NAA25: variants seen among roughly 807,000 people sequenced by gnomAD.
NAA25 encodes N-terminal acetyltransferase B complex subunit NAA25.
NAA25 carries 30 observed loss-of-function variants against 132.5 expected under a neutral mutation model. The observed-to-expected ratio is 0.23, with a 90% CI of 0.17 to 0.31. NAA25 has a LOEUF of 0.31. Ranked by LOEUF, NAA25 falls within the 10% of genes least tolerant of loss-of-function variation. The pLI, the probability that NAA25 is intolerant of heterozygous loss-of-function variation, is 1.00. For synonymous variants in NAA25, 359 were observed against 401.9 expected, an observed-to-expected ratio of 0.89 and a Z score of 1.28; for missense variants, 771 against 1,150.4, an observed-to-expected ratio of 0.67 and a Z score of 4.77.
chr12:112,108,706 A>G lies in NAA25; in HGVS notation c.58+10T>C. On this transcript the variant is annotated intron_variant, in intron 1 of 23. Transcript: ENST00000261745. ...TCGGGCTGGCGAGCGGGCTGGTCCA[A>G]GACACTCACCGTAAATGGGCCGGAG... 2 of 1,519,954 alleles carry G rather than the reference A, an allele frequency of 1.3e-6. No homozygotes were observed. The highest frequency in any genetic ancestry group is 2.7e-5 in the East Asian group (1 of 37,130). The allele number at this position is 1,519,954 out of a possible 1,614,324, so 94.2% of individuals were successfully genotyped here. A position where few individuals can be genotyped will look rare whatever the true frequency, so the allele number is the denominator to read the frequency against.
chr12:112,078,527 G>A, intron 6 of NAA25, 107 bp downstream of exon 6: 5 of 1,025,570 alleles, frequency 4.9e-6, no homozygotes, highest in Non-Finnish European at 5.8e-6. Flanking sequence ...CAAAAGTGAG[G>A]ACCCAGCTAT....
chr12:112,081,288 A>G (rs2078970435), intron 4 of NAA25, among the ~76,000 whole-genome samples, 154 bp from the exon 5 acceptor site: 2 of 152,238 alleles, frequency 1.3e-5, no homozygotes, highest in South Asian at 4.1e-4. Flanking sequence ...CTTTAGCAAC[A>G]GCAGTAATCA....
intron 15 of NAA25, among the ~76,000 whole-genome samples, chr12:112,051,258 G>C (rs1262245536): frequency 6.6e-6 from 1 of 152,128 alleles, no homozygotes; most frequent in Non-Finnish European, 1.5e-5. Context: ...TCGTCACCCA[G>C]GCTGGAGTAT....
chr12:112,064,218 A>C (rs181924330), intron 11 of NAA25: 6 of 152,254 alleles, frequency 3.9e-5, no homozygotes, highest in African/African-American at 1.4e-4. Context: ...ACTGATTTTC[A>C]TGTTTTTGTT....
Position 112,084,820 on chromosome 12 carries a change from G to C in NAA25, c.402+2863C>G, listed in dbSNP as rs936233804. Reference sequence around the variant, plus strand: ...TAAATAAATAAATAAAAATTAGCCAGGTGCAGTGGCTCACGCCTGTAATCC... The same window carrying C: ...TAAATAAATAAATAAAAATTAGCCACGTGCAGTGGCTCACGCCTGTAATCC... On this transcript the variant is annotated intron_variant, in intron 4 of 23. Coordinates refer to ENST00000261745, the MANE Select transcript of NAA25 (RefSeq NM_024953.4). 2.0e-5 allele frequency among the ~76,000 whole-genome samples: 3 copies of C among 151,776 alleles called. No individual in the cohort carries two copies. In the East Asian group the frequency reaches 5.8e-4, roughly 29 times the overall value.
rs998500597 is a variant in NAA25 at position 112,082,801 on chromosome 12, G to A, written c.403-1667C>T. Among the ~76,000 whole-genome samples the A allele has an allele frequency of 3.9e-5, 5 of 128,022 alleles. No individual in the cohort carries two copies. In the Admixed American group the frequency reaches 4.1e-4, roughly 10 times the overall value. 84.0% of individuals were successfully genotyped at this position (128,022 alleles called of 152,430 possible). A position where few individuals can be genotyped will look rare whatever the true frequency, so the allele number is the denominator to read the frequency against. On this transcript the variant is annotated intron_variant, in intron 4 of 23. Transcript: ENST00000261745. ...TGGCAGGGGGCGGGGGGTGGGGGGTGCGGGGTGTGGTAACGATACATATAA... is the reference window on the plus strand; with the variant it reads ...TGGCAGGGGGCGGGGGGTGGGGGGTACGGGGTGTGGTAACGATACATATAA...
chr12:112,104,459 C>T (rs897659205), intron 1 of NAA25, among the ~76,000 whole-genome samples: 1 of 152,172 alleles, frequency 6.6e-6, no homozygotes, highest in African/African-American at 2.4e-5. Flanking sequence ...GAGGAGGCTG[C>T]ATAACAAAAC....
intron 1 of NAA25, among the ~76,000 whole-genome samples, chr12:112,101,089 AC>A (rs1025998595): frequency 2.0e-5 from 3 of 151,982 alleles, no homozygotes; most frequent in Non-Finnish European, 4.4e-5. Context: ...GGTCTTCACC[AC>A]CCTCTCCCCA....
chr12:112,108,747 G>A lies in NAA25; in HGVS notation c.27C>T (p.Asp9=), dbSNP rs754630560. MATRGHVQ[D]PNDRRLRPIY... ...TGGGCCGGAGGCGCCTGTCGTTAGGGTCCTGCACATGGCCCCGCGTCGCCA... is the reference window on the plus strand; with the variant it reads ...TGGGCCGGAGGCGCCTGTCGTTAGGATCCTGCACATGGCCCCGCGTCGCCA... Residue 9 remains aspartate (D), a synonymous_variant, in exon 1 of 24, where the codon GAC becomes GAT. Coordinates refer to ENST00000261745, the MANE Select transcript of NAA25 (RefSeq NM_024953.4). 3.5e-5 allele frequency: 54 copies of A among 1,530,920 alleles called. No homozygotes were observed. The South Asian group carries it at 6.0e-4, about 17-fold the overall frequency. The allele number at this position is 1,530,920 out of a possible 1,614,324, so 94.8% of individuals were successfully genotyped here.
intron 10 of NAA25, among the ~76,000 whole-genome samples, chr12:112,070,619 T>A (rs2078791220): frequency 6.6e-6 from 1 of 152,200 alleles, no homozygotes; most frequent in Non-Finnish European, 1.5e-5. Context: ...TCACCCAGGC[T>A]GAAGCTGGAG....
intron 22 of NAA25, among the ~76,000 whole-genome samples, chr12:112,036,873 G>A (rs1285227823): frequency 1.3e-5 from 2 of 151,550 alleles, no homozygotes; most frequent in Non-Finnish European, 2.9e-5. Context: ...AAAACTGTGT[G>A]TGCGTGTGTG....
At chr12:112,032,012 G>C (rs962366708) in intron 23 of NAA25, among the ~76,000 whole-genome samples, 1 of 150,898 alleles carries the variant, frequency 6.6e-6, no homozygotes, top group Non-Finnish European at 1.5e-5. Context: ...CACCCAGGCT[G>C]GAGTGCAGTG....
chr12:112,078,625 A>T lies in NAA25; in HGVS notation c.585+9T>A. On this transcript the variant is annotated intron_variant, in intron 6 of 23. Transcript: ENST00000261745. ...ATGAAAACACAAAAGTAAGGCTTAA[A>T]ATACTCACTTCAGCCTCAGCTTCTA... The T allele has an allele frequency of 6.2e-7, 1 of 1,604,956 alleles. No homozygotes were observed.
At chr12:112,104,962 A>G (rs986395884) in intron 1 of NAA25, among the ~76,000 whole-genome samples, 4 of 151,912 alleles carry the variant, frequency 2.6e-5, no homozygotes, top group Middle Eastern at 3.4e-3. Flanking sequence ...GGTTGCAGTG[A>G]GCCAAGATCG....
intron 4 of NAA25, among the ~76,000 whole-genome samples, chr12:112,086,805 A>T (rs1365987297): frequency 6.6e-6 from 1 of 152,020 alleles, no homozygotes; most frequent in African/African-American, 2.4e-5. Context: ...TGAGGTCGGG[A>T]GTTTGAGACC....
chr12:112,080,969 C>A (rs2078965752), intron 5 of NAA25, 91 bp downstream of exon 5: 1 of 1,120,832 alleles, frequency 8.9e-7, no homozygotes, highest in Non-Finnish European at 1.3e-6. Flanking sequence ...CTGTCTCAAA[C>A]AAAAAAAACC....
At chr12:112,074,278 T>C (rs1295246977) in intron 9 of NAA25, among the ~76,000 whole-genome samples, 1 of 145,766 alleles carries the variant, frequency 6.9e-6, no homozygotes, top group Non-Finnish European at 1.5e-5. Flanking sequence ...GAGGCAGAGG[T>C]TGCAGTGAGC....
In NAA25 at chr12:112,028,733, T is replaced by G. The variant is rs1365541935; in HGVS notation, c.*798A>C. The G allele has an allele frequency of 1.3e-5, 2 of 152,132 alleles. No homozygotes were observed. Among genetic ancestry groups the G allele is most frequent in the Admixed American group, 1.3e-4 (2 of 15,272 alleles). 9.4% of individuals were successfully genotyped at this position (152,132 alleles called of 1,614,324 possible). A position where few individuals can be genotyped will look rare whatever the true frequency, so the allele number is the denominator to read the frequency against. ...CACCTCTCTTCTTTGAAACAGTCATTCCTATCTTTCCCAAATGTATGAAAG... is the reference window on the plus strand; with the variant it reads ...CACCTCTCTTCTTTGAAACAGTCATGCCTATCTTTCCCAAATGTATGAAAG... On this transcript the variant is annotated 3_prime_UTR_variant, in exon 24 of 24. Transcript: ENST00000261745.
intron 1 of NAA25, among the ~76,000 whole-genome samples, chr12:112,100,978 G>A (rs1017908308): frequency 5.9e-5 from 9 of 152,012 alleles, no homozygotes; most frequent in South Asian, 4.1e-4. Flanking sequence ...AAGCTGAGTC[G>A]CTGCCCACCC....
Sources: allele counts gnomAD v4.1 joint callset (sites outside exome capture counted in the v4.1 genomes callset), GRCh38; gene constraint gnomAD v4.1.1; transcripts MANE v1.5; gene names NCBI Gene and HGNC (gene_info 2026-07-23, HGNC 2026-07-21).